PDS5A: variants seen among roughly 807,000 people sequenced by gnomAD.
The protein encoded by PDS5A is PDS5 cohesin associated factor A.
PDS5A carries 42 observed loss-of-function variants against 167.1 expected under a neutral mutation model. That is an observed-to-expected ratio of 0.25 (90% CI 0.20 to 0.33). The LOEUF is 0.33. Ranked by LOEUF, PDS5A falls within the 10% of genes least tolerant of loss-of-function variation. PDS5A has a pLI of 1.00. For missense variants in PDS5A, 1,033 were observed against 1,605.9 expected, an observed-to-expected ratio of 0.64 and a Z score of 6.10; for synonymous variants, 553 against 554.6, an observed-to-expected ratio of 1.00 and a Z score of 0.04.
intron 11 of PDS5A, among the ~76,000 whole-genome samples, chr4:39,904,975 G>A (rs1388584485): frequency 6.6e-6 from 1 of 152,182 alleles, no homozygotes; most frequent in African/African-American, 2.4e-5. Flanking sequence ...CCCTTTAGAT[G>A]TTAACTTCGG....
intron 7 of PDS5A, among the ~76,000 whole-genome samples, chr4:39,919,225 GAAAGA>G (rs75965646): frequency 0.097 from 14,704 of 152,078 alleles, 878 homozygotes; most frequent in East Asian, 0.22. Context: ...ATTAGGAAAG[GAAAGA>G]AACACTGAAA....
At position 39,908,332 on chromosome 4, in the gene PDS5A, A is replaced by G. The variant is rs1056624461; in HGVS notation, c.1233+63T>C. ...GACATTAAATGTAACAGAAAATGAT[A>G]CCCAATTGTATTTAGCAATTTAAAC... On this transcript the variant is annotated intron_variant, in intron 11 of 32. Coordinates refer to ENST00000303538, the MANE Select transcript of PDS5A (RefSeq NM_001100399.2). The G allele has an allele frequency of 3.3e-6, 4 of 1,201,252 alleles. No homozygotes were observed. The African/African-American group carries it at 6.0e-5, about 18-fold the overall frequency. The allele number at this position is 1,201,252 out of a possible 1,614,324, so 74.4% of individuals were successfully genotyped here.
At chr4:39,909,100 C>T (rs569796245) in intron 10 of PDS5A, among the ~76,000 whole-genome samples, 1 of 87,460 alleles carries the variant, frequency 1.1e-5, no homozygotes, top group South Asian at 4.8e-4. Flanking sequence ...TAAAATACTT[C>T]ACAGTTACAT....
At chr4:39,860,992 G>A (rs1275217636) in intron 26 of PDS5A, among the ~76,000 whole-genome samples, 1 of 151,738 alleles carries the variant, frequency 6.6e-6, no homozygotes, top group African/African-American at 2.4e-5. Flanking sequence ...TTTAGCCCAG[G>A]AGGTCAAGGT....
chr4:39,894,722 C>T (rs1008166290), intron 16 of PDS5A, among the ~76,000 whole-genome samples: 3 of 152,178 alleles, frequency 2.0e-5, no homozygotes, highest in Admixed American at 6.5e-5. Context: ...CAAAGTTAGA[C>T]ATATGTAATT....
At chr4:39,877,209 A>G (rs1720533581) in intron 18 of PDS5A, 56 bp from the exon 19 acceptor site, 1 of 1,131,540 alleles carries the variant, frequency 8.8e-7, no homozygotes, top group Non-Finnish European at 1.2e-6. Flanking sequence ...TCCATTAAAA[A>G]AGAATTACTT....
intron 3 of PDS5A, 84 bp downstream of exon 3, chr4:39,927,877 T>TA (rs1725605939): frequency 1.0e-6 from 1 of 954,922 alleles, no homozygotes; most frequent in Admixed American, 2.6e-5. Context: ...CCTATGTTCA[T>TA]AAAGGTAAAA....
intron 4 of PDS5A, among the ~76,000 whole-genome samples, chr4:39,926,475 G>A (rs917279837): frequency 4.7e-5 from 7 of 147,716 alleles, no homozygotes; most frequent in Admixed American, 3.4e-4. Flanking sequence ...CTGAGATCAC[G>A]CCATTGCACT....
chr4:39,836,615 ATTTT>A (rs71645192), intron 32 of PDS5A, among the ~76,000 whole-genome samples: 15 of 106,126 alleles, frequency 1.4e-4, no homozygotes, highest in East Asian at 5.7e-4. Flanking sequence ...ATTTTTTTCT[ATTTT>A]TTTTTTTTTT....
At chr4:39,874,917 T>G (rs1385476575) in intron 19 of PDS5A, among the ~76,000 whole-genome samples, 1 of 152,210 alleles carries the variant, frequency 6.6e-6, no homozygotes, top group Non-Finnish European at 1.5e-5. Context: ...AATATCTAAC[T>G]ATTATGTGCC....
At chr4:39,855,876 A>C (rs532012030) in intron 26 of PDS5A, among the ~76,000 whole-genome samples, 22 of 152,206 alleles carry the variant, frequency 1.4e-4, no homozygotes, top group Admixed American at 4.6e-4. Flanking sequence ...GACATCATGG[A>C]ATTTCCAAAC....
chr4:39,924,312 A>C (rs1725268197), intron 5 of PDS5A, among the ~76,000 whole-genome samples: 1 of 152,234 alleles, frequency 6.6e-6, no homozygotes, highest in African/African-American at 2.4e-5. Context: ...TGGCTGTCTT[A>C]AACTATCAAG....
intron 32 of PDS5A, among the ~76,000 whole-genome samples, chr4:39,826,939 C>A (rs1715376855): frequency 6.6e-6 from 1 of 152,106 alleles, no homozygotes; most frequent in Non-Finnish European, 1.5e-5. Flanking sequence ...GTGATTATTA[C>A]AATTCATACA....
intron 32 of PDS5A, among the ~76,000 whole-genome samples, chr4:39,831,571 G>A (rs557006492): frequency 6.6e-6 from 1 of 151,946 alleles, no homozygotes; most frequent in South Asian, 2.1e-4. Flanking sequence ...TAAGTATAAA[G>A]TTTAATGGCA....
At chr4:39,961,262 A>G (rs1368041350) in intron 2 of PDS5A, among the ~76,000 whole-genome samples, 2 of 152,128 alleles carry the variant, frequency 1.3e-5, no homozygotes, top group African/African-American at 4.8e-5. Context: ...TTTCTGCACC[A>G]GGGAATTCAA....
At chr4:39,826,041 A>G (rs1030698377) in intron 32 of PDS5A, among the ~76,000 whole-genome samples, 2 of 152,176 alleles carry the variant, frequency 1.3e-5, no homozygotes, top group African/African-American at 4.8e-5. Flanking sequence ...CTGCTATCCA[A>G]TGCCCTATTT....
intron 6 of PDS5A, among the ~76,000 whole-genome samples, chr4:39,920,705 T>C (rs941593887): frequency 6.6e-6 from 1 of 152,234 alleles, no homozygotes; most frequent in Non-Finnish European, 1.5e-5. Context: ...GCTTTTTGGT[T>C]TTATCTGTTA....
intron 2 of PDS5A, among the ~76,000 whole-genome samples, chr4:39,975,710 C>G (rs1035092925): frequency 3.9e-5 from 6 of 152,152 alleles, no homozygotes; most frequent in African/African-American, 1.4e-4. Flanking sequence ...TCCTGGAGGT[C>G]AAAGTTGCCC....
intron 6 of PDS5A, among the ~76,000 whole-genome samples, chr4:39,921,544 T>C (rs1724965360): frequency 7.1e-6 from 1 of 141,260 alleles, no homozygotes; most frequent in Admixed American, 7.5e-5. Context: ...GAGATAAGCC[T>C]GGGCAACATA....
Sources: gnomAD v4.1 joint callset for allele counts (sites outside exome capture counted in the v4.1 genomes callset) on GRCh38, gnomAD v4.1.1 for gene constraint, MANE v1.5 for transcripts, NCBI Gene and HGNC (gene_info 2026-07-23, HGNC 2026-07-21) for gene names.